NRG3: variants seen among roughly 807,000 people sequenced by gnomAD.
NRG3 encodes the protein pro-neuregulin-3, membrane-bound isoform.
Under a neutral mutation model 66.9 loss-of-function variants are expected in NRG3, and 31 were observed. The observed-to-expected ratio is 0.46, with a 90% CI of 0.35 to 0.63. NRG3 has a LOEUF of 0.63. Ranked by LOEUF, NRG3 falls within the 20% of genes least tolerant of loss-of-function variation. NRG3 has a pLI of 0.00. For missense variants in NRG3, 910 were observed against 878.9 expected (o/e 1.04, Z -0.45); for synonymous variants, 393 against 359.4 (o/e 1.09, Z -1.06).
At chr10:82,492,616 T>G (rs903674262) in intron 2 of NRG3, among the ~76,000 whole-genome samples, 5 of 152,162 alleles carry the variant, frequency 3.3e-5, no homozygotes, top group African/African-American at 1.2e-4. Flanking sequence ...TGAAACCCAG[T>G]CATAACAGAG....
chr10:82,970,086 T>C (rs973789563), intron 6 of NRG3, among the ~76,000 whole-genome samples: 5 of 152,214 alleles, frequency 3.3e-5, no homozygotes, highest in African/African-American at 9.6e-5. Context: ...CGTTTCGTTA[T>C]GGACAATTGT....
intron 1 of NRG3, among the ~76,000 whole-genome samples, chr10:82,327,076 A>T (rs907204612): frequency 6.6e-6 from 1 of 152,136 alleles, no homozygotes; most frequent in African/African-American, 2.4e-5. Context: ...TGGAAGAATG[A>T]CCCTGGGCTG....
intron 1 of NRG3, among the ~76,000 whole-genome samples, chr10:82,294,534 G>T (rs1463690754): frequency 6.6e-6 from 1 of 152,010 alleles, no homozygotes; most frequent in Non-Finnish European, 1.5e-5. Context: ...GTATTGTGCT[G>T]TAAGACTTCT....
intron 3 of NRG3, among the ~76,000 whole-genome samples, chr10:82,820,896 T>G (rs1377892394): frequency 1.3e-5 from 2 of 152,252 alleles, no homozygotes; most frequent in African/African-American, 4.8e-5. Context: ...AACTAGAGTC[T>G]TCCCTTGCTT....
chr10:82,472,525 G>A (rs140486263), intron 2 of NRG3, among the ~76,000 whole-genome samples: 1,762 of 152,290 alleles, frequency 0.012, 18 homozygotes, highest in Middle Eastern at 0.071. Context: ...TTTCAAATGG[G>A]TTATCAAGCA....
In NRG3 at chr10:82,846,801, A is replaced by C; in HGVS notation, c.1028-18610A>C. 2.6e-5 allele frequency among the ~76,000 whole-genome samples: 4 copies of C among 152,382 alleles called. No individual in the cohort carries two copies. The South Asian group carries it at 8.3e-4, about 32-fold the overall frequency. On this transcript the variant is annotated intron_variant, in intron 3 of 8. Transcript: ENST00000372141. Reference sequence around the variant, plus strand: ...GAAGTTCTCATTACATAAATTCTGCAGTAGTTTGGTTTTGGAGTTGTGGTG... The same window carrying C: ...GAAGTTCTCATTACATAAATTCTGCCGTAGTTTGGTTTTGGAGTTGTGGTG...
chr10:82,650,909 C>G (rs1311550298), intron 2 of NRG3, among the ~76,000 whole-genome samples: 4 of 152,174 alleles, frequency 2.6e-5, no homozygotes, highest in Admixed American at 2.6e-4. Flanking sequence ...TTTTACATTT[C>G]ATCAAGTGAT....
At chr10:82,172,675 T>C (rs968549529) in intron 1 of NRG3, among the ~76,000 whole-genome samples, 2 of 152,128 alleles carry the variant, frequency 1.3e-5, no homozygotes, top group African/African-American at 4.8e-5. Context: ...CATCTCTATC[T>C]CCATGCCTGG....
chr10:82,776,246 A>G (rs948335858), intron 3 of NRG3, among the ~76,000 whole-genome samples: 2 of 152,078 alleles, frequency 1.3e-5, no homozygotes, highest in Non-Finnish European at 2.9e-5. Flanking sequence ...TGACTATCTT[A>G]TCTCATTCTT....
intron 1 of NRG3, among the ~76,000 whole-genome samples, chr10:81,884,947 C>G (rs184214833): frequency 6.6e-6 from 1 of 152,284 alleles, no homozygotes; most frequent in African/African-American, 2.4e-5. Context: ...GAACATTTAA[C>G]ATGAAATCTA....
At chr10:82,651,654 C>A (rs1297591130) in intron 2 of NRG3, among the ~76,000 whole-genome samples, 1 of 152,188 alleles carries the variant, frequency 6.6e-6, no homozygotes. Flanking sequence ...TAATTTTCAA[C>A]CAAAGGTGAT....
intron 1 of NRG3, among the ~76,000 whole-genome samples, chr10:82,190,791 G>A (rs906010300): frequency 6.6e-6 from 1 of 152,112 alleles, no homozygotes; most frequent in Non-Finnish European, 1.5e-5. Flanking sequence ...AGTTACTCAA[G>A]GACAGTATCT....
intron 5 of NRG3, among the ~76,000 whole-genome samples, chr10:82,954,519 G>T (rs117590614): frequency 1.3e-5 from 2 of 151,824 alleles, no homozygotes; most frequent in African/African-American, 2.4e-5. Flanking sequence ...TTATCTTTCT[G>T]TCTACCAGCC....
chr10:82,935,282 G>C (rs1056239499), intron 4 of NRG3, among the ~76,000 whole-genome samples: 1 of 152,090 alleles, frequency 6.6e-6, no homozygotes, highest in Non-Finnish European at 1.5e-5. Context: ...TTACTCAGAG[G>C]CATTTTATTT....
intron 1 of NRG3, among the ~76,000 whole-genome samples, chr10:81,879,652 A>C (rs1486715452): frequency 6.6e-6 from 1 of 152,234 alleles, no homozygotes; most frequent in East Asian, 1.9e-4. Context: ...GAAGAAATAA[A>C]TGTAGAATGT....
At chr10:82,694,135 A>G (rs1301494112) in intron 2 of NRG3, among the ~76,000 whole-genome samples, 1 of 151,862 alleles carries the variant, frequency 6.6e-6, no homozygotes, top group Non-Finnish European at 1.5e-5. Flanking sequence ...GGATGCATTT[A>G]CAAGCCTTTA....
At chr10:82,660,243 G>GAAAAGAA (rs1330823534) in intron 2 of NRG3, among the ~76,000 whole-genome samples, 1 of 55,874 alleles carries the variant, frequency 1.8e-5, no homozygotes, top group African/African-American at 6.4e-5. Flanking sequence ...AAACTGGAAA[G>GAAAAGAA]AAAAGAAATA....
chr10:82,250,779 C>G (rs1035054993), intron 1 of NRG3, among the ~76,000 whole-genome samples: 1 of 152,134 alleles, frequency 6.6e-6, no homozygotes. Flanking sequence ...CGTCACAAGC[C>G]ACCTGAAGGC....
intron 2 of NRG3, among the ~76,000 whole-genome samples, chr10:82,582,388 C>T (rs1413723201): frequency 6.6e-6 from 1 of 152,054 alleles, no homozygotes; most frequent in Non-Finnish European, 1.5e-5. Flanking sequence ...GATGAGTGAG[C>T]ACAGGGACCT....
Sources: allele counts gnomAD v4.1 joint callset (sites outside exome capture counted in the v4.1 genomes callset), GRCh38; gene constraint gnomAD v4.1.1; transcripts MANE v1.5; gene names NCBI Gene and HGNC (gene_info 2026-07-23, HGNC 2026-07-21).